PCDHGA9: variants seen among roughly 807,000 people sequenced by gnomAD.
PCDHGA9 encodes protocadherin gamma subfamily A, 9.
A neutral mutation model predicts 62.5 loss-of-function variants in PCDHGA9; 37 were observed. That is an observed-to-expected ratio of 0.59 (90% CI 0.46 to 0.78). The LOEUF (loss-of-function observed/expected upper bound fraction) is 0.78. PCDHGA9 is among the 30% of genes least tolerant of loss of function. The pLI is 0.00. For synonymous variants in PCDHGA9, 459 were observed against 484.6 expected, an observed-to-expected ratio of 0.95 and a Z score of 0.69; for missense variants, 1,138 against 1,166.2, an observed-to-expected ratio of 0.98 and a Z score of 0.35.
At chr5:141,424,960 C>T (rs1291822416) in intron 1 of PCDHGA9, among the ~76,000 whole-genome samples, 1 of 152,102 alleles carries the variant, frequency 6.6e-6, no homozygotes, top group African/African-American at 2.4e-5. Context: ...AGGTATTTGC[C>T]CCAAATTACT....
In PCDHGA9 at chr5:141,458,391, C is replaced by G. The variant is rs534396279; in HGVS notation, c.2425-36416C>G. 5.9e-5 allele frequency among the ~76,000 whole-genome samples: 9 copies of G among 152,126 alleles called. No homozygotes were observed. In the South Asian group the frequency reaches 1.0e-3, roughly 18 times the overall value. ...GGAGAAGAGAGAAGGAAGACGCTCCCCCTTGCAGAGACGGAGCGGGGGTTC... is the reference window on the plus strand; with the variant it reads ...GGAGAAGAGAGAAGGAAGACGCTCCGCCTTGCAGAGACGGAGCGGGGGTTC... On this transcript the variant is annotated intron_variant, in intron 1 of 3. Coordinates refer to ENST00000573521, the MANE Select transcript of PCDHGA9 (RefSeq NM_018921.3).
chr5:141,501,453 C>T (rs567794395), intron 2 of PCDHGA9, among the ~76,000 whole-genome samples: 1 of 152,094 alleles, frequency 6.6e-6, no homozygotes, highest in Non-Finnish European at 1.5e-5. Flanking sequence ...TTTTACTTTT[C>T]ACTATTCCCC....
chr5:141,491,247 G>A lies in PCDHGA9; in HGVS notation c.2425-3560G>A, dbSNP rs1356752106. ...CAGTGCTGCTGGTTCTGGAGGATGA[G>A]GACCCTGAGGAAATGCCCAAATCCA... On this transcript the variant is annotated intron_variant, in intron 1 of 3. Coordinates refer to ENST00000573521, the MANE Select transcript of PCDHGA9 (RefSeq NM_018921.3). The surrounding 1 kb of genome is among the most constrained non-coding windows in gnomAD (Gnocchi z 6.9). The A allele has an allele frequency of 3.2e-5, 51 of 1,614,192 alleles. No individual in the cohort carries two copies. The highest frequency in any genetic ancestry group is 4.3e-5 in the Non-Finnish European group (51 of 1,180,018).
chr5:141,425,177 GGAATTCCAAACTGA>G (rs2096860295), intron 1 of PCDHGA9, among the ~76,000 whole-genome samples: 1 of 152,036 alleles, frequency 6.6e-6, no homozygotes, highest in South Asian at 2.1e-4. Flanking sequence ...TTATACTTGT[GGAATTCCAAACTGA>G]GAAAAATGAT....
intron 1 of PCDHGA9, chr5:141,416,674 G>T (rs547618174): frequency 6.6e-6 from 1 of 152,132 alleles, no homozygotes; most frequent in Non-Finnish European, 1.5e-5. Context: ...TATATGCAAC[G>T]AAGGGAAATT....
At chr5:141,500,436 C>G (rs1318326111) in intron 2 of PCDHGA9, among the ~76,000 whole-genome samples, 2 of 151,836 alleles carry the variant, frequency 1.3e-5, no homozygotes, top group African/African-American at 2.4e-5. Flanking sequence ...GTCTCGATCT[C>G]CTGACCTCGT....
chr5:141,402,935 T>G lies in PCDHGA9; in HGVS notation c.-18T>G. 1 of 1,587,712 alleles carries G rather than the reference T, an allele frequency of 6.3e-7. No homozygotes were observed. The highest frequency in any genetic ancestry group is 8.6e-7 in the Non-Finnish European group (1 of 1,166,254). ...GCGCACAGAGATCCTTTTGAGAAAA[T>G]TCCAAAGCGAGGCAGCAATGGCAGC... On this transcript the variant is annotated 5_prime_UTR_variant, in exon 1 of 4. Transcript: ENST00000573521.
Position 141,415,740 on chromosome 5 carries a change from G to GTTTTTT in PCDHGA9, c.2424+10391_2424+10396dup, listed in dbSNP as rs57426385. ...TGAGTAGAATTTGATGTTTATTAAGGTTTTTTTTTTTTTTTTTTTTTTTTT... is the reference window on the plus strand; with the variant it reads ...TGAGTAGAATTTGATGTTTATTAAGGTTTTTTTTTTTTTTTTTTTTTTTTTTTTTTT... On this transcript the variant is annotated intron_variant, in intron 1 of 3. Transcript: ENST00000573521. 6.6e-4 allele frequency: 412 copies of GTTTTTT among 624,836 alleles called. 3 individuals carry two copies. The highest frequency in any genetic ancestry group is 1.2e-3 in the African/African-American group (49 of 39,912). The allele number at this position is 624,836 out of a possible 1,614,324, so 38.7% of individuals were successfully genotyped here.
intron 1 of PCDHGA9, among the ~76,000 whole-genome samples, chr5:141,483,557 G>A (rs141633312): frequency 4.5e-4 from 69 of 152,276 alleles, no homozygotes; most frequent in Admixed American, 1.9e-3. Context: ...GCCATTCACA[G>A]AGACAGTGAA....
intron 1 of PCDHGA9, among the ~76,000 whole-genome samples, chr5:141,480,615 AT>A (rs1279544819): frequency 2.0e-5 from 3 of 152,218 alleles, no homozygotes; most frequent in African/African-American, 7.2e-5. Context: ...AGCAACTGGC[AT>A]TTTCCCTAGA....
chr5:141,482,099 A>AG (rs1423781570), intron 1 of PCDHGA9, among the ~76,000 whole-genome samples: 1 of 151,852 alleles, frequency 6.6e-6, no homozygotes, highest in African/African-American at 2.4e-5. Flanking sequence ...CAAAAAAAAA[A>AG]AAAAAATATC....
chr5:141,482,609 A>G (rs2099569274), intron 1 of PCDHGA9, among the ~76,000 whole-genome samples: 1 of 151,770 alleles, frequency 6.6e-6, no homozygotes, highest in African/African-American at 2.4e-5. Context: ...AAACACCTAA[A>G]TGAGCCTGGA....
intron 1 of PCDHGA9, chr5:141,416,038 G>T: frequency 5.1e-6 from 1 of 196,894 alleles, no homozygotes; most frequent in Non-Finnish European, 1.0e-5. Flanking sequence ...AATCACCTCT[G>T]GAAACACAAC....
chr5:141,423,234 C>A (rs1408925478), intron 1 of PCDHGA9: 1 of 1,613,800 alleles, frequency 6.2e-7, no homozygotes, highest in Non-Finnish European at 8.5e-7. Context: ...CCGACAGCAT[C>A]CCCGAAGTCC....
chr5:141,447,966 A>C (rs2098556806), intron 1 of PCDHGA9, among the ~76,000 whole-genome samples: 1 of 151,922 alleles, frequency 6.6e-6, no homozygotes, highest in Non-Finnish European at 1.5e-5. Context: ...GACACCTATA[A>C]TCCCAGCTAC....
At chr5:141,478,870 G>A (rs1463992722) in intron 1 of PCDHGA9, 6 of 1,273,242 alleles carry the variant, frequency 4.7e-6, no homozygotes, top group Non-Finnish European at 5.2e-6. Flanking sequence ...AGCGATCAGA[G>A]TTTAGCTTGG....
chr5:141,422,910 C>T (rs756589496), intron 1 of PCDHGA9: 2 of 1,614,252 alleles, frequency 1.2e-6, no homozygotes, highest in South Asian at 1.1e-5. Context: ...ACAATGCGCC[C>T]GAGATCCTGT....
At chr5:141,425,717 C>G (rs1207360676) in intron 1 of PCDHGA9, among the ~76,000 whole-genome samples, 1 of 152,188 alleles carries the variant, frequency 6.6e-6, no homozygotes, top group African/African-American at 2.4e-5. Context: ...TTTTCCCATA[C>G]CACTTGATGG....
chr5:141,492,602 C>G (rs1352851783), intron 1 of PCDHGA9, among the ~76,000 whole-genome samples: 2 of 152,222 alleles, frequency 1.3e-5, no homozygotes, highest in Non-Finnish European at 2.9e-5. Flanking sequence ...GAGCGACTGC[C>G]GCTCTAAGTG....
Sources: allele counts gnomAD v4.1 joint callset (sites outside exome capture counted in the v4.1 genomes callset), GRCh38; gene constraint gnomAD v4.1.1; non-coding constraint Gnocchi (gnomAD v3.1); transcripts MANE v1.5; gene names NCBI Gene and HGNC (gene_info 2026-07-23, HGNC 2026-07-21).